GLI2: variants seen among roughly 807,000 people sequenced by gnomAD.
GLI2 encodes GLI family zinc finger 2, also known as transcription activator GLI2.
Under a neutral mutation model 78.9 loss-of-function variants are expected in GLI2, and 22 were observed. The observed-to-expected ratio is 0.28, with a 90% CI of 0.20 to 0.40. The LOEUF is 0.40. Among genes scored for constraint, GLI2 ranks in the 10% least tolerant of loss-of-function variants. GLI2 has a pLI of 1.00. For missense variants in GLI2, 2,097 were observed against 2,213.2 expected (o/e 0.95, Z 1.05); for synonymous variants, 974 against 963.7 (o/e 1.01, Z -0.20).
intron 1 of GLI2, among the ~76,000 whole-genome samples, chr2:120,777,471 G>A (rs1030141136): frequency 4.6e-5 from 7 of 151,982 alleles, no homozygotes; most frequent in African/African-American, 1.7e-4. Flanking sequence ...GTGTGGATAT[G>A]CTGACCTGAC....
Position 120,975,090 on chromosome 2 carries a change from C to A in GLI2, c.1298C>A (p.Thr433Asn). Residue 433 changes from threonine to asparagine, a missense_variant, in exon 9 of 14, where the codon ACC becomes AAC. Physicochemically the swap from Thr to Asn is moderately conservative, Grantham distance 65. Coordinates refer to ENST00000361492, the MANE Select transcript of GLI2 (RefSeq NM_001374353.1). ...HWEDCTKEYDTQEQLVHHINN... is the reference protein window; with the variant it reads ...HWEDCTKEYDNQEQLVHHINN... ...GAAGACTGCACCAAGGAGTACGACA[C>A]CCAGGAGCAGCTGGTGCATGTAAGC... 1 of 1,613,980 alleles carries A rather than the reference C, an allele frequency of 6.2e-7. No homozygotes were observed. Among genetic ancestry groups the A allele is most frequent in the Non-Finnish European group, 8.5e-7 (1 of 1,180,036 alleles).
chr2:120,852,971 A>G (rs1687481416), intron 2 of GLI2, among the ~76,000 whole-genome samples: 2 of 152,230 alleles, frequency 1.3e-5, no homozygotes, highest in African/African-American at 4.8e-5. Flanking sequence ...GGCCAGGAAC[A>G]GAGGAGCACA....
intron 2 of GLI2, among the ~76,000 whole-genome samples, chr2:120,896,632 C>CACACGT (rs1677958607): frequency 7.4e-6 from 1 of 136,022 alleles, no homozygotes; most frequent in African/African-American, 3.2e-5. Flanking sequence ...CTTTGAAAAA[C>CACACGT]ACACATACAC....
intron 2 of GLI2, among the ~76,000 whole-genome samples, chr2:120,877,569 C>T: frequency 6.6e-6 from 1 of 152,214 alleles, no homozygotes; most frequent in East Asian, 1.9e-4. Flanking sequence ...CTTCTGACTT[C>T]TGAGAGCATA....
intron 10 of GLI2, among the ~76,000 whole-genome samples, chr2:120,979,853 T>C (rs1273251327): frequency 6.6e-6 from 1 of 152,230 alleles, no homozygotes; most frequent in Non-Finnish European, 1.5e-5. Context: ...TCTGTCTGTA[T>C]GGATTTGCCT....
chr2:120,872,312 CAG>C (rs1688505435), intron 2 of GLI2, among the ~76,000 whole-genome samples: 1 of 152,144 alleles, frequency 6.6e-6, no homozygotes, highest in Admixed American at 6.5e-5. Flanking sequence ...TGCCCCGTGA[CAG>C]AGAGTGGTGG....
chr2:120,740,629 T>C (rs993825978), intron 1 of GLI2, among the ~76,000 whole-genome samples: 2 of 152,222 alleles, frequency 1.3e-5, no homozygotes, highest in Admixed American at 6.5e-5. Flanking sequence ...GTCATCTGCC[T>C]CTGAAATCTG....
At chr2:120,910,495 G>A (rs763986490) in intron 2 of GLI2, among the ~76,000 whole-genome samples, 3 of 152,264 alleles carry the variant, frequency 2.0e-5, no homozygotes, top group Middle Eastern at 3.4e-3. Flanking sequence ...GGCTATTAGC[G>A]GGGTCCATCA....
chr2:120,765,742 C>G (rs2104650686), intron 1 of GLI2, among the ~76,000 whole-genome samples: 1 of 152,332 alleles, frequency 6.6e-6, no homozygotes, highest in South Asian at 2.1e-4. Flanking sequence ...CTTGGCCTAG[C>G]AAAGCTCTTT....
intron 2 of GLI2, among the ~76,000 whole-genome samples, chr2:120,824,103 G>T (rs1181837947): frequency 6.6e-6 from 1 of 152,186 alleles, no homozygotes; most frequent in African/African-American, 2.4e-5. Flanking sequence ...GGGGGATTCC[G>T]TTGGGATGAC....
chr2:120,868,265 G>A (rs1573507455), intron 2 of GLI2, among the ~76,000 whole-genome samples: 1 of 151,768 alleles, frequency 6.6e-6, no homozygotes, highest in Non-Finnish European at 1.5e-5. Context: ...CAGCTTCCCG[G>A]GGGACCATGC....
intron 2 of GLI2, among the ~76,000 whole-genome samples, chr2:120,806,365 C>T (rs570203467): frequency 4.9e-4 from 75 of 152,274 alleles, no homozygotes; most frequent in African/African-American, 1.7e-3. Context: ...ATGACAGGGA[C>T]GTTGCCTCTG....
At chr2:120,981,189 A>G (rs1453216397) in intron 10 of GLI2, among the ~76,000 whole-genome samples, 1 of 152,174 alleles carries the variant, frequency 6.6e-6, no homozygotes, top group African/African-American at 2.4e-5. Flanking sequence ...GCTGGAGTTA[A>G]TCTTTGTACA....
At chr2:120,899,458 C>G (rs1300012879) in intron 2 of GLI2, among the ~76,000 whole-genome samples, 1 of 152,154 alleles carries the variant, frequency 6.6e-6, no homozygotes, top group Non-Finnish European at 1.5e-5. Flanking sequence ...TTCCACCCCA[C>G]AGCCTGTTCC....
At chr2:120,933,017 C>G (rs1307390566) in intron 3 of GLI2, among the ~76,000 whole-genome samples, 1 of 152,072 alleles carries the variant, frequency 6.6e-6, no homozygotes, top group African/African-American at 2.4e-5. Flanking sequence ...GCAGCTACAG[C>G]AGTAGTTAGG....
chr2:120,927,162 GA>G (rs371142714), intron 2 of GLI2, among the ~76,000 whole-genome samples, 198 bp from the exon 3 acceptor site: 2 of 152,342 alleles, frequency 1.3e-5, no homozygotes, highest in Non-Finnish European at 2.9e-5. Context: ...TCTTTTATGT[GA>G]AAGATGTAGA....
intron 1 of GLI2, among the ~76,000 whole-genome samples, chr2:120,766,711 A>C (rs1048348928): frequency 6.6e-6 from 1 of 152,194 alleles, no homozygotes; most frequent in African/African-American, 2.4e-5. Context: ...CTAGGGACAT[A>C]ATGGTGAATC....
intron 2 of GLI2, among the ~76,000 whole-genome samples, chr2:120,913,962 G>A (rs773913066): frequency 2.3e-4 from 35 of 152,356 alleles, no homozygotes; most frequent in African/African-American, 5.8e-4. Flanking sequence ...TCGGCAGGAC[G>A]CAAGGCAGGA....
At chr2:120,905,164 G>T (rs539884356) in intron 2 of GLI2, among the ~76,000 whole-genome samples, 2 of 152,228 alleles carry the variant, frequency 1.3e-5, no homozygotes, top group East Asian at 3.9e-4. Flanking sequence ...CTCCCTTGGG[G>T]CCTGCAGTGA....
Sources: allele counts gnomAD v4.1 joint callset (sites outside exome capture counted in the v4.1 genomes callset), GRCh38; gene constraint gnomAD v4.1.1; transcripts MANE v1.5; gene names NCBI Gene and HGNC (gene_info 2026-07-23, HGNC 2026-07-21).